The following TNFSF4 variants were observed in gnomAD, a reference collection of about 807,000 sequenced individuals.
TNFSF4 encodes TNF superfamily member 4, also known as tumor necrosis factor ligand superfamily member 4.
In TNFSF4, 4 loss-of-function variants were observed where a neutral mutation model predicts 7.3. That is an observed-to-expected ratio of 0.55 (90% CI 0.27 to 1.25). The LOEUF (loss-of-function observed/expected upper bound fraction) is 1.25, where lower values mean the gene tolerates loss of function less well. TNFSF4 is among the 50% of genes most tolerant of loss of function. The probability of loss-of-function intolerance (pLI) is 0.12; values close to 1 mark genes in which losing one functional copy is unlikely to be tolerated. For missense variants in TNFSF4, 181 were observed against 208.8 expected, an observed-to-expected ratio of 0.87 and a Z score of 0.82; for synonymous variants, 76 against 83.7, an observed-to-expected ratio of 0.91 and a Z score of 0.50.
upstream of TNFSF4, among the ~76,000 whole-genome samples, chr1:173,208,267 G>A (rs1244740762): frequency 6.6e-6 from 1 of 152,138 alleles, no homozygotes; most frequent in Non-Finnish European, 1.5e-5. Flanking sequence ...GCACTGTACT[G>A]GACAACATAA....
At chr1:173,292,430 C>T in the TNFSF4 span, among the ~76,000 whole-genome samples, 2 of 152,108 alleles carry the variant, frequency 1.3e-5, no homozygotes, top group African/African-American at 4.8e-5. Flanking sequence ...TAAAATTCAA[C>T]ATCCCTTTAT....
chr1:173,223,483 A>G, the TNFSF4 span, among the ~76,000 whole-genome samples: 4 of 152,192 alleles, frequency 2.6e-5, no homozygotes, highest in African/African-American at 9.6e-5. Context: ...GAAAATAGTG[A>G]GGGAAACCAT....
chr1:173,221,767 G>A, the TNFSF4 span, among the ~76,000 whole-genome samples: 1 of 152,162 alleles, frequency 6.6e-6, no homozygotes, highest in African/African-American at 2.4e-5. Context: ...GAGAGGTTAT[G>A]CAACTTGGCC....
chr1:173,445,021 T>A, the TNFSF4 span, among the ~76,000 whole-genome samples: 1 of 152,178 alleles, frequency 6.6e-6, no homozygotes, highest in Non-Finnish European at 1.5e-5. Context: ...ATAGTCATGG[T>A]TTCTACTTCA....
chr1:173,263,463 A>G, the TNFSF4 span, among the ~76,000 whole-genome samples: 1 of 152,218 alleles, frequency 6.6e-6, no homozygotes, highest in Non-Finnish European at 1.5e-5. Flanking sequence ...ATTATTTTTA[A>G]TATTCATCAC....
chr1:173,205,509 G>C, intron 1 of TNFSF4: 1 of 1,409,192 alleles, frequency 7.1e-7, no homozygotes, highest in South Asian at 1.6e-5. Context: ...CCTGCTCAGA[G>C]CCGTTGTGCA....
At chr1:173,370,278 C>T in the TNFSF4 span, among the ~76,000 whole-genome samples, 1 of 152,156 alleles carries the variant, frequency 6.6e-6, no homozygotes, top group African/African-American at 2.4e-5. Flanking sequence ...GCTTTAGCTG[C>T]AGCCTGAGAG....
At chr1:173,419,905 C>CG in the TNFSF4 span, among the ~76,000 whole-genome samples, 1,647 of 150,358 alleles carry the variant, frequency 0.011, 22 homozygotes, top group African/African-American at 0.035. Context: ...GTTTGTGTGG[C>CG]GGGGGGGGGG....
At chr1:173,183,301 A>G (rs1248637356), downstream of TNFSF4, among the ~76,000 whole-genome samples, 1 of 152,198 alleles carries the variant, frequency 6.6e-6, no homozygotes, top group Non-Finnish European at 1.5e-5. Context: ...TAAGGAGGAC[A>G]ACGTCATCAG....
the TNFSF4 span, among the ~76,000 whole-genome samples, chr1:173,427,339 G>T: frequency 7.6e-4 from 115 of 152,218 alleles, 1 homozygote; most frequent in East Asian, 0.013. Context: ...TCACAACTGG[G>T]GAGTGGCTGC....
At chr1:173,206,796 C>G (rs931564293) in intron 1 of TNFSF4, among the ~76,000 whole-genome samples, 1 of 152,174 alleles carries the variant, frequency 6.6e-6, no homozygotes, top group African/African-American at 2.4e-5. Context: ...GATCTAGAAG[C>G]TGTGCCTCTG....
At chr1:173,313,183 A>G in the TNFSF4 span, among the ~76,000 whole-genome samples, 3 of 152,128 alleles carry the variant, frequency 2.0e-5, no homozygotes, top group African/African-American at 7.2e-5. Flanking sequence ...AGATCTTGAT[A>G]CATTAAGGAT....
chr1:173,410,730 G>C, the TNFSF4 span, among the ~76,000 whole-genome samples: 3,119 of 152,252 alleles, frequency 0.02, 114 homozygotes, highest in African/African-American at 0.072. Context: ...CATGTCACTG[G>C]CCTCCAGGTT....
the TNFSF4 span, among the ~76,000 whole-genome samples, chr1:173,367,543 AGAG>A: frequency 2.0e-5 from 3 of 152,228 alleles, no homozygotes; most frequent in African/African-American, 4.8e-5. Flanking sequence ...GACTTTTGAC[AGAG>A]GAGAAGTTGT....
the TNFSF4 span, among the ~76,000 whole-genome samples, chr1:173,263,036 C>T: frequency 6.6e-6 from 1 of 152,182 alleles, no homozygotes; most frequent in African/African-American, 2.4e-5. Context: ...CTCCCACTCA[C>T]AATTGCTGCA....
chr1:173,321,249 T>C, the TNFSF4 span, among the ~76,000 whole-genome samples: 1 of 152,206 alleles, frequency 6.6e-6, no homozygotes, highest in Non-Finnish European at 1.5e-5. Context: ...ATTTAATAAA[T>C]GGTGTTGGGA....
At chr1:173,358,452 A>T in the TNFSF4 span, among the ~76,000 whole-genome samples, 2 of 152,260 alleles carry the variant, frequency 1.3e-5, no homozygotes, top group African/African-American at 4.8e-5. Context: ...CAGAACCCTC[A>T]TAGACTGCTG....
chr1:173,176,235 G>A, the TNFSF4 span, among the ~76,000 whole-genome samples: 2 of 152,006 alleles, frequency 1.3e-5, no homozygotes, highest in South Asian at 2.1e-4. Flanking sequence ...TGGGCCCTTC[G>A]ATAATTATTT....
At chr1:173,413,858 T>G in the TNFSF4 span, among the ~76,000 whole-genome samples, 3 of 152,174 alleles carry the variant, frequency 2.0e-5, no homozygotes. Flanking sequence ...TAACATGCTT[T>G]CAGAAAATTC....
Sources: gnomAD v4.1 joint callset for allele counts (sites outside exome capture counted in the v4.1 genomes callset) on GRCh38, gnomAD v4.1.1 for gene constraint, MANE v1.5 for transcripts, NCBI Gene and HGNC (gene_info 2026-07-23, HGNC 2026-07-21) for gene names.